TANC1: variants seen among roughly 807,000 people sequenced by gnomAD.
TANC1 encodes tetratricopeptide repeat, ankyrin repeat and coiled-coil containing 1.
Under a neutral mutation model 149.7 loss-of-function variants are expected in TANC1, and 77 were observed. The observed-to-expected ratio is 0.51, with a 90% confidence interval of 0.43 to 0.62. The LOEUF is 0.62. Among genes scored for constraint, TANC1 ranks in the 20% least tolerant of loss-of-function variants. The pLI is 0.00. For missense variants in TANC1, 1,985 were observed against 2,321.8 expected, an observed-to-expected ratio of 0.85 and a Z score of 2.98; for synonymous variants, 854 against 925.0, an observed-to-expected ratio of 0.92 and a Z score of 1.39.
chr2:159,175,056 C>T lies in TANC1; in HGVS notation c.1607C>T (p.Ala536Val). The stretch of plus-strand genomic sequence containing the variant: ...TTGCTCTGCCGGTCCCATCAGCTGG[C>T]CGCCTACAGAGACCTTCTGATAAAG... ...AALLCRSHQL[A>V]AYRDLLIKEP... is the part of the protein sequence containing the mutation. The change falls in exon 12 of 27, where the codon GCC becomes GTC. Residue 536 changes from alanine (A) to valine (V), a missense_variant. Ala to Val is a moderately conservative substitution (Grantham distance 64). Around this residue, in one of 3 missense-constraint regions of TANC1, gnomAD observed 508 missense variants for 714.2 expected, o/e 0.71. Transcript: ENST00000263635. 1 of 1,614,188 alleles carries T rather than the reference C, an allele frequency of 6.2e-7. No individual in the cohort carries two copies. The highest frequency in any genetic ancestry group is 8.5e-7 in the Non-Finnish European group (1 of 1,180,026).
intron 19 of TANC1, among the ~76,000 whole-genome samples, chr2:159,206,961 T>G (rs2058649469): frequency 6.6e-6 from 1 of 152,216 alleles, no homozygotes; most frequent in Non-Finnish European, 1.5e-5. Flanking sequence ...GGTCCGGTCT[T>G]CTCATGGATT....
At chr2:159,228,266 C>T (rs2060136957) in intron 25 of TANC1, 1 of 352,184 alleles carries the variant, frequency 2.8e-6, no homozygotes, top group Admixed American at 4.5e-5. Flanking sequence ...GCTGGCACTG[C>T]CGTCCCCGGA....
At chr2:159,026,568 G>GAC (rs2039360787) in intron 2 of TANC1, among the ~76,000 whole-genome samples, 2 of 152,184 alleles carry the variant, frequency 1.3e-5, no homozygotes, top group Admixed American at 1.3e-4. Context: ...CAGTTTTGGA[G>GAC]ACTATGAAGT....
Position 159,104,051 on chromosome 2 carries a change from T to G in TANC1, c.259+6217T>G, listed in dbSNP as rs538703750. Among the ~76,000 whole-genome samples the G allele has an allele frequency of 3.1e-5, 3 of 95,842 alleles. 1 individual carries two copies. The South Asian group carries it at 1.1e-3, about 35-fold the overall frequency. 62.9% of individuals were successfully genotyped at this position (95,842 alleles called of 152,430 possible). On this transcript the variant is annotated intron_variant, in intron 4 of 26. Coordinates refer to ENST00000263635, the MANE Select transcript of TANC1 (RefSeq NM_033394.3). ...TTGTAGAGCCAGCTGGTTCTAGTCC[T>G]TGCTTCCACTGCTGAGTGGTTGGGA...
intron 13 of TANC1, among the ~76,000 whole-genome samples, chr2:159,177,699 T>C (rs1273348582): frequency 1.3e-5 from 2 of 152,254 alleles, no homozygotes; most frequent in African/African-American, 2.4e-5. Flanking sequence ...TACATTGTTA[T>C]ATTAAATGAG....
intron 16 of TANC1, 124 bp downstream of exon 16, chr2:159,187,148 A>T: frequency 8.7e-7 from 1 of 1,153,676 alleles, no homozygotes; most frequent in Non-Finnish European, 1.2e-6. Context: ...GCTTCTAAAG[A>T]TGTGCTTCCC....
chr2:159,021,232 T>A (rs2038806631), intron 2 of TANC1, among the ~76,000 whole-genome samples: 1 of 152,110 alleles, frequency 6.6e-6, no homozygotes, highest in Non-Finnish European at 1.5e-5. Context: ...TAATGGGTAG[T>A]TTACACATAA....
chr2:159,186,422 A>G (rs563587412), intron 15 of TANC1, among the ~76,000 whole-genome samples: 43 of 152,240 alleles, frequency 2.8e-4, no homozygotes, highest in African/African-American at 1.0e-3. Context: ...TGATATTCTA[A>G]TTCTGTCATT....
chr2:159,216,144 T>G (rs2059331161), intron 19 of TANC1, among the ~76,000 whole-genome samples: 1 of 152,114 alleles, frequency 6.6e-6, no homozygotes, highest in South Asian at 2.1e-4. Context: ...CGCATCCATC[T>G]CTCGTTAATG....
At chr2:159,080,103 A>C (rs2044114800) in intron 3 of TANC1, among the ~76,000 whole-genome samples, 1 of 151,892 alleles carries the variant, frequency 6.6e-6, no homozygotes, top group Admixed American at 6.6e-5. Context: ...ACAAATGGGC[A>C]CCCCATGCCT....
At chr2:159,224,160 C>G in intron 22 of TANC1, 72 bp from the exon 23 acceptor site, 2 of 1,568,882 alleles carry the variant, frequency 1.3e-6, no homozygotes, top group South Asian at 2.3e-5. Flanking sequence ...CTAAGACTGC[C>G]CACCCCTAAA....
intron 2 of TANC1, among the ~76,000 whole-genome samples, chr2:159,023,031 G>C (rs1445843173): frequency 6.6e-6 from 1 of 152,154 alleles, no homozygotes; most frequent in Non-Finnish European, 1.5e-5. Context: ...ATAAATATAA[G>C]ATAGTATACT....
At chr2:159,033,297 A>G (rs1191849208) in intron 2 of TANC1, among the ~76,000 whole-genome samples, 1 of 152,198 alleles carries the variant, frequency 6.6e-6, no homozygotes, top group East Asian at 1.9e-4. Context: ...TGAATTTGTG[A>G]ATCACCAGTT....
Position 159,172,137 on chromosome 2 carries a change from G to T in TANC1, c.1368G>T (p.Gln456His). ...GSSPKTSDPT[Q>H]DLHFTPLLSP... ...TCTCTGCAGCCTCTGACCCCACTCA[G>T]GATCTTCATTTCACTCCGTTGCTTT... The change falls in exon 11 of 27, where the codon CAG becomes CAT. Residue 456 changes from glutamine (Q) to histidine (H), a missense_variant. Around this residue, in one of 3 missense-constraint regions of TANC1, gnomAD observed 557 missense variants for 612.9 expected, o/e 0.91. Coordinates refer to ENST00000263635, the MANE Select transcript of TANC1 (RefSeq NM_033394.3). The T allele has an allele frequency of 1.2e-6, 2 of 1,614,150 alleles. No individual in the cohort carries two copies. The highest frequency in any genetic ancestry group is 1.7e-6 in the Non-Finnish European group (2 of 1,180,016).
chr2:159,091,232 C>CAGAG (rs1025789029), intron 3 of TANC1, among the ~76,000 whole-genome samples: 5 of 152,110 alleles, frequency 3.3e-5, no homozygotes, highest in African/African-American at 1.2e-4. Context: ...TGATATATGC[C>CAGAG]AGAGTGGCCT....
At position 159,231,386 on chromosome 2, in the gene TANC1, C is replaced by T. The variant is rs1221722913; in HGVS notation, c.*374C>T. 5.7e-6 allele frequency: 1 copy of T among 173,998 alleles called. No individual in the cohort carries two copies. The highest frequency in any genetic ancestry group is 1.2e-5 in the Non-Finnish European group (1 of 80,432). 10.8% of individuals were successfully genotyped at this position (173,998 alleles called of 1,614,324 possible). ...TATTGTTCAAGAGTAACAGGTTTAA[C>T]TCATGACCAAGTGATGTACATCCAA... On this transcript the variant is annotated 3_prime_UTR_variant, in exon 27 of 27. Transcript: ENST00000263635.
intron 4 of TANC1, among the ~76,000 whole-genome samples, chr2:159,112,941 G>A (rs914091825): frequency 6.6e-6 from 1 of 151,404 alleles, no homozygotes; most frequent in African/African-American, 2.4e-5. Context: ...TAAACTTATG[G>A]CATTTTTTAA....
In TANC1 at chr2:159,159,737, A is replaced by T. The variant is rs879848042; in HGVS notation, c.683-3546A>T. 5.1e-3 allele frequency among the ~76,000 whole-genome samples: 765 copies of T among 149,738 alleles called. 5 individuals are homozygous for T. The highest frequency in any genetic ancestry group is 7.3e-3 in the Non-Finnish European group (486 of 66,978). On this transcript the variant is annotated intron_variant, in intron 7 of 26. Transcript: ENST00000263635. The stretch of plus-strand genomic sequence containing the variant: ...GTGTGTGAGAGAGAGAGAGAGAGAG[A>T]GAGAGAGAGAGAGAGAGAGAGAGAT...
chr2:158,980,205 A>T (rs998348251), intron 1 of TANC1, among the ~76,000 whole-genome samples: 5 of 152,180 alleles, frequency 3.3e-5, no homozygotes, highest in Admixed American at 6.5e-5. Flanking sequence ...GAGCACCCTT[A>T]GATCTAGTGT....
Sources: allele counts gnomAD v4.1 joint callset (sites outside exome capture counted in the v4.1 genomes callset), GRCh38; gene constraint gnomAD v4.1.1; regional missense constraint gnomAD v4.1.1; transcripts MANE v1.5; gene names NCBI Gene and HGNC (gene_info 2026-07-23, HGNC 2026-07-21).